The following POR variants were observed in gnomAD, a reference collection of about 807,000 sequenced individuals.
POR encodes the protein cytochrome p450 oxidoreductase.
Under a neutral mutation model 84.0 loss-of-function variants are expected in POR, and 56 were observed. The ratio of observed to expected loss-of-function variants is 0.67; its 90% CI spans 0.54 to 0.83. The LOEUF (loss-of-function observed/expected upper bound fraction) is 0.83, where lower values mean the gene tolerates loss of function less well. Ranked by LOEUF, POR falls within the 40% of genes least tolerant of loss-of-function variation. The pLI is 0.00. For missense variants in POR, 938 were observed against 944.3 expected, an observed-to-expected ratio of 0.99 and a Z score of 0.09; for synonymous variants, 414 against 400.5, an observed-to-expected ratio of 1.03 and a Z score of -0.40.
chr7:75,966,005 C>T (rs914327644), intron 2 of POR, among the ~76,000 whole-genome samples: 1 of 152,214 alleles, frequency 6.6e-6, no homozygotes, highest in East Asian at 1.9e-4. Flanking sequence ...GCCACTGGGC[C>T]CTGGAGCTTT....
chr7:75,919,781 TC>T (rs1806762726), intron 1 of POR, among the ~76,000 whole-genome samples: 1 of 152,104 alleles, frequency 6.6e-6, no homozygotes, highest in South Asian at 2.1e-4. Flanking sequence ...ACCTGATCCT[TC>T]TGGTGGCTTG....
intron 1 of POR, among the ~76,000 whole-genome samples, chr7:75,942,234 CAAAA>C (rs1786953746): frequency 6.6e-6 from 1 of 152,028 alleles, no homozygotes; most frequent in African/African-American, 2.4e-5. Context: ...CTCAAAAAAA[CAAAA>C]AACAGAAAAC....
chr7:75,958,400 G>C (rs1787777664), intron 2 of POR, among the ~76,000 whole-genome samples: 1 of 152,100 alleles, frequency 6.6e-6, no homozygotes, highest in South Asian at 2.1e-4. Context: ...TTACAGGCGT[G>C]AGCCACCATG....
chr7:75,925,627 A>G (rs1485071962), intron 1 of POR, among the ~76,000 whole-genome samples: 1 of 152,216 alleles, frequency 6.6e-6, no homozygotes, highest in Admixed American at 6.5e-5. Flanking sequence ...TTTGTAGAGC[A>G]CCACGTATGT....
intron 1 of POR, among the ~76,000 whole-genome samples, chr7:75,937,079 G>A (rs565496831): frequency 6.6e-5 from 10 of 150,982 alleles, no homozygotes; most frequent in Non-Finnish European, 1.0e-4. Context: ...CGCCTGCCTC[G>A]GACTCCCAAA....
chr7:75,936,090 T>C lies in POR; in HGVS notation c.-4-17899T>C, dbSNP rs77050471. 1.3e-3 allele frequency among the ~76,000 whole-genome samples: 173 copies of C among 134,496 alleles called. 3 individuals carry two copies. The East Asian group carries it at 0.03, about 23-fold the overall frequency. The allele number at this position is 134,496 out of a possible 152,430, so 88.2% of individuals were successfully genotyped here. The stretch of plus-strand genomic sequence containing the variant: ...GTCTTTACTGTTTCTTTCTTTCTTT[T>C]TTTTTTTTTTTTTTTTTTTGAGAGA... On this transcript the variant is annotated intron_variant, in intron 1 of 15. Coordinates refer to ENST00000461988, the MANE Select transcript of POR (RefSeq NM_000941.3).
chr7:75,926,393 C>T (rs781799530), intron 1 of POR, among the ~76,000 whole-genome samples: 6 of 152,108 alleles, frequency 3.9e-5, no homozygotes, highest in African/African-American at 7.2e-5. Context: ...GAAAGCAGCA[C>T]GGCTCTGTTC....
chr7:75,965,509 C>T lies in POR; in HGVS notation c.189-6904C>T, dbSNP rs777164890. On this transcript the variant is annotated intron_variant, in intron 2 of 15. Transcript: ENST00000461988. Reference sequence around the variant, plus strand: ...CTTGTCATGGCCACCCCAGCCCACCCCTCCTTTCCATCCCCTTTGATTGCA... The same window carrying T: ...CTTGTCATGGCCACCCCAGCCCACCTCTCCTTTCCATCCCCTTTGATTGCA... Among the ~76,000 whole-genome samples, 3 of 152,138 alleles carry T rather than the reference C, an allele frequency of 2.0e-5. No homozygotes were observed. In the South Asian group the frequency reaches 6.2e-4, roughly 31 times the overall value.
At chr7:75,919,852 A>T (rs900037324) in intron 1 of POR, among the ~76,000 whole-genome samples, 26 of 152,016 alleles carry the variant, frequency 1.7e-4, no homozygotes, top group Non-Finnish European at 3.5e-4. Flanking sequence ...GGTGACTTGG[A>T]TAGGGGGATA....
intron 1 of POR, among the ~76,000 whole-genome samples, chr7:75,949,264 C>T (rs1787312196): frequency 1.3e-5 from 2 of 151,994 alleles, no homozygotes; most frequent in African/African-American, 4.8e-5. Flanking sequence ...AAGCGATTCT[C>T]CTGCCTCAGC....
chr7:75,951,994 C>T lies in POR; in HGVS notation c.-4-1995C>T, dbSNP rs1467026626. Among the ~76,000 whole-genome samples, 50 of 149,798 alleles carry T rather than the reference C, an allele frequency of 3.3e-4. 1 individual carries two copies. The highest frequency in any genetic ancestry group is 1.2e-3 in the East Asian group (6 of 5,018). On this transcript the variant is annotated intron_variant, in intron 1 of 15. Coordinates refer to ENST00000461988, the MANE Select transcript of POR (RefSeq NM_000941.3). Reference sequence around the variant, plus strand: ...CCCCCCACCTCCCTCCCGGACGGGGCGGCTGGCGGGGCAGAGGGGCTCCTC... The same window carrying T: ...CCCCCCACCTCCCTCCCGGACGGGGTGGCTGGCGGGGCAGAGGGGCTCCTC...
chr7:75,920,750 C>G (rs559478951), intron 1 of POR, among the ~76,000 whole-genome samples: 97 of 152,110 alleles, frequency 6.4e-4, no homozygotes, highest in Non-Finnish European at 1.2e-3. Flanking sequence ...GTTAGGAACA[C>G]GTGAACTACG....
intron 2 of POR, among the ~76,000 whole-genome samples, chr7:75,961,238 G>A (rs1386299400): frequency 6.7e-6 from 1 of 148,328 alleles, no homozygotes; most frequent in African/African-American, 2.6e-5. Flanking sequence ...AAAAAAAAAG[G>A]CAGTATCAAA....
intron 1 of POR, among the ~76,000 whole-genome samples, chr7:75,951,732 T>C (rs1224087994): frequency 1.3e-5 from 2 of 152,220 alleles, no homozygotes; most frequent in African/African-American, 2.4e-5. Flanking sequence ...GTCATATCCA[T>C]GATTGCAAAA....
intron 1 of POR, among the ~76,000 whole-genome samples, chr7:75,938,232 G>A (rs894985635): frequency 7.2e-5 from 11 of 152,150 alleles, no homozygotes; most frequent in Admixed American, 3.9e-4. Flanking sequence ...AGCTGGGAGC[G>A]TTTGGCCATG....
chr7:75,983,547 G>A lies in POR; in HGVS notation c.858G>A (p.Leu286=). Reference sequence around the variant, plus strand: ...CCTTTGATGCCAAGAATCCGTTCCTGGCTGCAGTCACCACCAACCGGAAGC... The same window carrying A: ...CCTTTGATGCCAAGAATCCGTTCCTAGCTGCAGTCACCACCAACCGGAAGC... The change falls in exon 9 of 16, where the codon CTG becomes CTA. Residue 286 remains leucine, a synonymous_variant. Coordinates refer to ENST00000461988, the MANE Select transcript of POR (RefSeq NM_000941.3). 6.2e-7 allele frequency: 1 copy of A among 1,613,022 alleles called. No individual in the cohort carries two copies. The highest frequency in any genetic ancestry group is 8.5e-7 in the Non-Finnish European group (1 of 1,179,788).
intron 7 of POR, chr7:75,982,018 GC>G (rs201502466): frequency 3.4e-6 from 2 of 590,266 alleles, no homozygotes; most frequent in Admixed American, 2.8e-5. Context: ...TGGGCGTCTG[GC>G]CCCCGGCAGC....
chr7:75,971,105 G>A (rs1788417791), intron 2 of POR: 1 of 151,586 alleles, frequency 6.6e-6, no homozygotes, highest in African/African-American at 2.4e-5. Flanking sequence ...GAGATTACAG[G>A]TGCGCGTCAC....
At chr7:75,983,994 AC>A (rs1789246660) in intron 10 of POR, 138 bp downstream of exon 10, 1 of 696,136 alleles carries the variant, frequency 1.4e-6, no homozygotes. Context: ...CTCCACGGTT[AC>A]AGGATCCCAA....
Sources: allele counts gnomAD v4.1 joint callset (sites outside exome capture counted in the v4.1 genomes callset), GRCh38; gene constraint gnomAD v4.1.1; transcripts MANE v1.5; gene names NCBI Gene and HGNC (gene_info 2026-07-23, HGNC 2026-07-21).